Variants in GRAMD2B observed in about 807,000 individuals in gnomAD.
The protein encoded by GRAMD2B is GRAM domain containing 2B, also known as GRAM domain-containing protein 2B.
Under a neutral mutation model 59.2 loss-of-function variants are expected in GRAMD2B, and 41 were observed. The ratio of observed to expected loss-of-function variants is 0.69; its 90% CI spans 0.54 to 0.90. GRAMD2B has a LOEUF of 0.90. Ranked by LOEUF, GRAMD2B falls within the 40% of genes least tolerant of loss-of-function variation. The pLI is 0.00. For synonymous variants in GRAMD2B, 161 were observed against 182.7 expected, an observed-to-expected ratio of 0.88 and a Z score of 0.96; for missense variants, 424 against 500.5, an observed-to-expected ratio of 0.85 and a Z score of 1.46.
intron 1 of GRAMD2B, among the ~76,000 whole-genome samples, chr5:126,449,090 T>G (rs72784522): frequency 0.086 from 13,025 of 152,196 alleles, 1,059 homozygotes; most frequent in African/African-American, 0.21. Context: ...CAAGTCCAGA[T>G]AGAGAAAATG....
At chr5:126,492,100 C>T (rs922332235) in intron 13 of GRAMD2B, among the ~76,000 whole-genome samples, 3 of 152,214 alleles carry the variant, frequency 2.0e-5, no homozygotes, top group African/African-American at 7.2e-5. Flanking sequence ...TGTCCAACAT[C>T]GGACCCGTCT....
At chr5:126,394,256 C>T (rs1393818199) in intron 1 of GRAMD2B, among the ~76,000 whole-genome samples, 1 of 147,692 alleles carries the variant, frequency 6.8e-6, no homozygotes, top group Non-Finnish European at 1.5e-5. Context: ...GCCCGGACGA[C>T]ACAGCAAGAC....
intron 1 of GRAMD2B, among the ~76,000 whole-genome samples, chr5:126,449,239 G>A (rs753071068): frequency 2.6e-5 from 4 of 152,090 alleles, no homozygotes; most frequent in African/African-American, 4.8e-5. Context: ...CTTCTATCCC[G>A]TAAAAGTTAG....
intron 9 of GRAMD2B, 111 bp from the exon 10 acceptor site, chr5:126,484,291 A>G: frequency 4.0e-6 from 5 of 1,253,282 alleles, no homozygotes; most frequent in African/African-American, 1.5e-5. Flanking sequence ...GAGACCATCC[A>G]TTCACATTCT....
intron 1 of GRAMD2B, among the ~76,000 whole-genome samples, chr5:126,423,998 A>AAAACTCACT: frequency 6.6e-6 from 1 of 152,248 alleles, no homozygotes. Flanking sequence ...GTCCCAACAC[A>AAAACTCACT]GCCCTTCGTT....
At chr5:126,370,538 T>C (rs577230711), upstream of GRAMD2B, among the ~76,000 whole-genome samples, 30 of 152,330 alleles carry the variant, frequency 2.0e-4, no homozygotes, top group Non-Finnish European at 3.7e-4. Flanking sequence ...GCATGAACAT[T>C]TGTCGCATGA....
intron 1 of GRAMD2B, among the ~76,000 whole-genome samples, chr5:126,397,496 T>C (rs536617434): frequency 4.3e-4 from 66 of 152,272 alleles, no homozygotes; most frequent in African/African-American, 1.5e-3. Context: ...AGTGCTGGGA[T>C]TATAGGTGTG....
At chr5:126,457,280 T>G (rs1235085448) in intron 1 of GRAMD2B, among the ~76,000 whole-genome samples, 1 of 151,840 alleles carries the variant, frequency 6.6e-6, no homozygotes, top group Non-Finnish European at 1.5e-5. Context: ...TGTTTTTGAA[T>G]TTTGGTATCT....
intron 1 of GRAMD2B, among the ~76,000 whole-genome samples, chr5:126,379,814 G>A (rs1356306438): frequency 2.0e-5 from 3 of 152,088 alleles, no homozygotes; most frequent in Non-Finnish European, 2.9e-5. Context: ...TCAGTCCTTT[G>A]TCAGATGTAT....
chr5:126,477,487 C>G (rs1770840872), intron 5 of GRAMD2B, among the ~76,000 whole-genome samples: 1 of 152,078 alleles, frequency 6.6e-6, no homozygotes, highest in African/African-American at 2.4e-5. Context: ...AAGATTTATC[C>G]TCTGGCTTAG....
intron 1 of GRAMD2B, among the ~76,000 whole-genome samples, chr5:126,439,211 AT>A (rs1762893044): frequency 6.6e-6 from 1 of 152,212 alleles, no homozygotes; most frequent in Non-Finnish European, 1.5e-5. Flanking sequence ...AAGACAGTGG[AT>A]CAAAAGTAAC....
At chr5:126,386,262 T>A (rs773975349) in intron 1 of GRAMD2B, among the ~76,000 whole-genome samples, 1 of 152,206 alleles carries the variant, frequency 6.6e-6, no homozygotes, top group African/African-American at 2.4e-5. Context: ...TGTCTGCTGA[T>A]CCTTGCATGA....
At chr5:126,445,803 C>T (rs1201765371) in intron 1 of GRAMD2B, among the ~76,000 whole-genome samples, 2 of 152,178 alleles carry the variant, frequency 1.3e-5, no homozygotes, top group African/African-American at 4.8e-5. Context: ...TTGGGAATCT[C>T]TCTTCTTCAG....
intron 1 of GRAMD2B, among the ~76,000 whole-genome samples, chr5:126,442,582 G>A (rs574819735): frequency 1.8e-3 from 279 of 152,188 alleles, no homozygotes; most frequent in Non-Finnish European, 3.0e-3. Flanking sequence ...GTGAGCGACC[G>A]CGCCTGGCCT....
chr5:126,396,321 C>T lies in GRAMD2B; in HGVS notation c.125+24754C>T, dbSNP rs117263332. Among the ~76,000 whole-genome samples, 19 of 152,280 alleles carry T rather than the reference C, an allele frequency of 1.2e-4. No homozygotes were observed. In the East Asian group the frequency reaches 3.7e-3, roughly 29 times the overall value. On this transcript the variant is annotated intron_variant, in intron 1 of 8. Transcript: ENST00000506445. ...TTAGTTATTTTTCCTGATCCTCTCC[C>T]TACTCCCACCTTCCATCTACCAATA...
At chr5:126,450,165 C>T (rs558382197) in intron 1 of GRAMD2B, among the ~76,000 whole-genome samples, 1 of 152,042 alleles carries the variant, frequency 6.6e-6, no homozygotes, top group South Asian at 2.1e-4. Flanking sequence ...TGGTAAGAGG[C>T]AGCTCTTCTT....
Position 126,494,060 on chromosome 5 carries a change from G to A in GRAMD2B, c.*1104G>A, listed in dbSNP as rs1436282519. On this transcript the variant is annotated 3_prime_UTR_variant, in exon 14 of 14. Transcript: ENST00000285689. Reference sequence around the variant, plus strand: ...TTTATTTAATCAGATAAGCTAATAAGCGAATTGGTTACATCGTTTGTATCT... The same window carrying A: ...TTTATTTAATCAGATAAGCTAATAAACGAATTGGTTACATCGTTTGTATCT... The A allele has an allele frequency of 6.6e-6, 1 of 152,570 alleles. No individual in the cohort carries two copies. The highest frequency in any genetic ancestry group is 1.5e-5 in the Non-Finnish European group (1 of 68,018). The allele number at this position is 152,570 out of a possible 1,614,324, so 9.5% of individuals were successfully genotyped here.
At chr5:126,387,937 CT>C (rs1358380300) in intron 1 of GRAMD2B, among the ~76,000 whole-genome samples, 1 of 152,218 alleles carries the variant, frequency 6.6e-6, no homozygotes, top group East Asian at 1.9e-4. Context: ...GAGTCTGTCA[CT>C]TGAATGAACT....
chr5:126,434,747 G>C (rs1196474927), intron 1 of GRAMD2B, among the ~76,000 whole-genome samples: 7 of 152,126 alleles, frequency 4.6e-5, no homozygotes, highest in Admixed American at 4.6e-4. Context: ...TCGATCTCCT[G>C]ACCTTGTGAT....
Sources: allele counts gnomAD v4.1 joint callset (sites outside exome capture counted in the v4.1 genomes callset), GRCh38; gene constraint gnomAD v4.1.1; transcripts MANE v1.5; gene names NCBI Gene and HGNC (gene_info 2026-07-23, HGNC 2026-07-21).